SLC4A7: variants seen among roughly 807,000 people sequenced by gnomAD.
The protein encoded by SLC4A7 is solute carrier family 4 member 7.
SLC4A7 carries 51 observed loss-of-function variants against 137.6 expected under a neutral mutation model. That is an observed-to-expected ratio of 0.37 (90% CI 0.30 to 0.47). The LOEUF is 0.47. Among genes scored for constraint, SLC4A7 ranks in the 20% least tolerant of loss-of-function variants. The probability of loss-of-function intolerance (pLI) is 1.00; values close to 1 mark genes in which losing one functional copy is unlikely to be tolerated. For synonymous variants in SLC4A7, 542 were observed against 518.6 expected (o/e 1.05, Z -0.61); for missense variants, 1,247 against 1,525.4 (o/e 0.82, Z 3.04).
At chr3:27,410,382 C>CA (rs980696663) in intron 12 of SLC4A7, among the ~76,000 whole-genome samples, 2 of 152,170 alleles carry the variant, frequency 1.3e-5, no homozygotes, top group South Asian at 2.1e-4. Context: ...TTTTAATACT[C>CA]AAAAAACAGA....
intron 1 of SLC4A7, among the ~76,000 whole-genome samples, chr3:27,464,814 C>T (rs2058891429): frequency 6.6e-6 from 1 of 152,088 alleles, no homozygotes; most frequent in Non-Finnish European, 1.5e-5. Flanking sequence ...GGTGGAACCG[C>T]GAAAAGTTCG....
At chr3:27,442,940 G>A (rs770950252) in intron 3 of SLC4A7, among the ~76,000 whole-genome samples, 12 of 150,918 alleles carry the variant, frequency 8.0e-5, no homozygotes, top group Non-Finnish European at 1.6e-4. Flanking sequence ...CCCAGTGCTT[G>A]TAGATTGTCT....
chr3:27,459,988 T>TACAC (rs1553715628), intron 1 of SLC4A7, among the ~76,000 whole-genome samples: 1 of 102,808 alleles, frequency 9.7e-6, no homozygotes, highest in African/African-American at 2.8e-5. Context: ...TATATATATA[T>TACAC]ATACACACAC....
chr3:27,422,452 T>C (rs1269470692), intron 8 of SLC4A7, among the ~76,000 whole-genome samples: 1 of 152,074 alleles, frequency 6.6e-6, no homozygotes, highest in African/African-American at 2.4e-5. Context: ...TGTTTTTTTG[T>C]AGAGGTGGGG....
Position 27,400,772 on chromosome 3 carries a change from TA to T in SLC4A7, c.2418del (p.Thr807LeufsTer71). 2 of 1,569,686 alleles carry T rather than the reference TA, an allele frequency of 1.3e-6. No individual in the cohort carries two copies. Among genetic ancestry groups the T allele is most frequent in the Non-Finnish European group, 1.8e-6 (2 of 1,141,146 alleles). On this transcript the variant is annotated frameshift_variant, in exon 16 of 26. Coordinates refer to ENST00000454389, the MANE Select transcript of SLC4A7 (RefSeq NM_001321103.2). LOFTEE classifies it high-confidence loss of function. ...TTTCAAAATATACTCACAGAAACAGTAAGATTTCTCCAGGAAATATTGTGTG... is the reference window on the plus strand; with the variant it reads ...TTTCAAAATATACTCACAGAAACAGTAGATTTCTCCAGGAAATATTGTGTG... The part of the protein sequence containing the change: ...ITAHNISWRN[L>X]TVSECKKLRG...
At chr3:27,475,976 T>C (rs954235625) in intron 1 of SLC4A7, among the ~76,000 whole-genome samples, 1 of 152,178 alleles carries the variant, frequency 6.6e-6, no homozygotes, top group Non-Finnish European at 1.5e-5. Flanking sequence ...AAAGAAATTA[T>C]ATTATGTAAG....
intron 3 of SLC4A7, among the ~76,000 whole-genome samples, chr3:27,439,441 T>TA (rs2057018144): frequency 1.3e-5 from 2 of 152,198 alleles, no homozygotes; most frequent in South Asian, 4.1e-4. Context: ...CCTACTGTAT[T>TA]AAACTTTCCA....
chr3:27,447,937 C>A (rs2057784259), intron 3 of SLC4A7, among the ~76,000 whole-genome samples: 1 of 151,936 alleles, frequency 6.6e-6, no homozygotes, highest in African/African-American at 2.4e-5. Flanking sequence ...AACAGCCAAG[C>A]ATGGTGGCTC....
intron 1 of SLC4A7, among the ~76,000 whole-genome samples, chr3:27,459,528 T>G (rs1176726240): frequency 6.6e-6 from 1 of 152,194 alleles, no homozygotes; most frequent in Non-Finnish European, 1.5e-5. Context: ...CACACAAACA[T>G]CTCATTTGAT....
intron 7 of SLC4A7, among the ~76,000 whole-genome samples, chr3:27,429,052 G>A (rs1229758586): frequency 6.6e-6 from 1 of 152,008 alleles, no homozygotes; most frequent in Non-Finnish European, 1.5e-5. Context: ...CAGATCACGA[G>A]GTCAAGAGAT....
At chr3:27,411,202 C>T (rs1236258530) in intron 12 of SLC4A7, among the ~76,000 whole-genome samples, 3 of 152,064 alleles carry the variant, frequency 2.0e-5, no homozygotes, top group Non-Finnish European at 4.4e-5. Flanking sequence ...CATGCTTGTC[C>T]ATGGAAGATT....
chr3:27,390,482 T>C (rs2051425884), intron 21 of SLC4A7, among the ~76,000 whole-genome samples: 1 of 152,220 alleles, frequency 6.6e-6, no homozygotes, highest in African/African-American at 2.4e-5. Context: ...TCTAAGGTTC[T>C]TCACAAATTT....
chr3:27,472,101 C>A (rs968023257), intron 1 of SLC4A7, among the ~76,000 whole-genome samples: 2 of 152,132 alleles, frequency 1.3e-5, no homozygotes, highest in African/African-American at 4.8e-5. Context: ...AAGCTCACAA[C>A]CATAACAAAG....
At chr3:27,424,180 G>T (rs780413014) in intron 7 of SLC4A7, 28 bp from the exon 8 acceptor site, 1 of 1,215,002 alleles carries the variant, frequency 8.2e-7, no homozygotes, top group Admixed American at 2.0e-5. Flanking sequence ...TTCCAAATTA[G>T]TAAGGAGAAA....
chr3:27,392,941 G>C (rs950217022), intron 20 of SLC4A7, among the ~76,000 whole-genome samples: 1 of 152,160 alleles, frequency 6.6e-6, no homozygotes, highest in African/African-American at 2.4e-5. Context: ...ATTTTCATAA[G>C]ACTGAAGACC....
At chr3:27,469,689 G>A (rs1260520698) in intron 1 of SLC4A7, among the ~76,000 whole-genome samples, 1 of 152,058 alleles carries the variant, frequency 6.6e-6, no homozygotes. Flanking sequence ...GGAAGCAGAG[G>A]TTGCAGTGAG....
intron 11 of SLC4A7, among the ~76,000 whole-genome samples, 178 bp downstream of exon 11, chr3:27,418,308 G>A (rs959740152): frequency 3.3e-5 from 5 of 152,044 alleles, no homozygotes; most frequent in Admixed American, 6.6e-5. Context: ...AAAATGAAAA[G>A]GATAAACAAA....
At chr3:27,398,719 C>A (rs957929581) in intron 16 of SLC4A7, among the ~76,000 whole-genome samples, 3 of 152,030 alleles carry the variant, frequency 2.0e-5, no homozygotes, top group Non-Finnish European at 4.4e-5. Flanking sequence ...ACAATTTTAC[C>A]GCTTTTCGTT....
rs138957049 is a variant in SLC4A7, at chr3:27,434,076, A to G, written c.618T>C (p.Ser206=). 1.2e-6 allele frequency: 2 copies of G among 1,613,034 alleles called. No homozygotes were observed. The highest frequency in any genetic ancestry group is 2.7e-5 in the African/African-American group (2 of 74,884). The change falls in exon 6 of 26, where the codon TCT becomes TCC. Residue 206 remains serine, a synonymous_variant. Coordinates refer to ENST00000454389, the MANE Select transcript of SLC4A7 (RefSeq NM_001321103.2). The part of the protein sequence containing the change: ...ADMVLDNMIA[S]GQLDESIREN... ...CTCGTATGGACTCGTCTAATTGGCC[A>G]GAAGCTATCATGTTGTCTAATACCA...
Sources: allele counts gnomAD v4.1 joint callset (sites outside exome capture counted in the v4.1 genomes callset), GRCh38; gene constraint gnomAD v4.1.1; transcripts MANE v1.5; gene names NCBI Gene and HGNC (gene_info 2026-07-23, HGNC 2026-07-21).